Variants in RFX3 observed in about 807,000 individuals in gnomAD.
RFX3 encodes the protein regulatory factor X3.
A neutral mutation model predicts 98.6 loss-of-function variants in RFX3; 14 were observed. The observed-to-expected ratio is 0.14, with a 90% CI of 0.09 to 0.22. RFX3 has a LOEUF of 0.22. RFX3 is among the 10% of genes least tolerant of loss of function. The pLI is 1.00. For missense variants in RFX3, 639 were observed against 926.9 expected, an observed-to-expected ratio of 0.69 and a Z score of 4.03; for synonymous variants, 383 against 328.4, an observed-to-expected ratio of 1.17 and a Z score of -1.80.
chr9:3,255,522 A>T (rs748527298), intron 14 of RFX3, among the ~76,000 whole-genome samples: 1 of 152,234 alleles, frequency 6.6e-6, no homozygotes, highest in Non-Finnish European at 1.5e-5. Context: ...TTTACAGCAG[A>T]TATTAATCTT....
At chr9:3,280,841 G>A (rs905567184) in intron 7 of RFX3, among the ~76,000 whole-genome samples, 1 of 151,734 alleles carries the variant, frequency 6.6e-6, no homozygotes, top group Non-Finnish European at 1.5e-5. Flanking sequence ...ACAGGAGCCT[G>A]TTGGTCCCAA....
intron 1 of RFX3, among the ~76,000 whole-genome samples, chr9:3,449,824 C>T (rs1846406048): frequency 6.7e-6 from 1 of 149,350 alleles, no homozygotes; most frequent in African/African-American, 2.5e-5. Context: ...GCTATTATCA[C>T]ACCACTGCAC....
intron 2 of RFX3, among the ~76,000 whole-genome samples, chr9:3,380,536 C>G (rs1375910111): frequency 6.6e-6 from 1 of 152,140 alleles, no homozygotes; most frequent in Admixed American, 6.5e-5. Context: ...AAGTGATTTG[C>G]TTAACACCAT....
intron 1 of RFX3, among the ~76,000 whole-genome samples, chr9:3,413,491 C>G (rs1031430218): frequency 1.8e-4 from 27 of 152,012 alleles, no homozygotes; most frequent in Admixed American, 1.4e-3. Flanking sequence ...AATGGCCCAC[C>G]TTTAGTATTT....
In RFX3 at chr9:3,298,675, T is replaced by A. The variant is rs1276415078; in HGVS notation, c.549+2871A>T. 2.6e-5 allele frequency among the ~76,000 whole-genome samples: 4 copies of A among 151,938 alleles called. No homozygotes were observed. The East Asian group carries it at 7.7e-4, about 29-fold the overall frequency. ...CATGTTAATTCTCTTAAGAATATGT[T>A]GAAAATGGGGTAGAAAATTCAATAC... On this transcript the variant is annotated intron_variant, in intron 5 of 16. Transcript: ENST00000617270.
chr9:3,407,704 A>G (rs999532053), intron 1 of RFX3, among the ~76,000 whole-genome samples: 1 of 152,194 alleles, frequency 6.6e-6, no homozygotes. Flanking sequence ...TAGATATGCT[A>G]TAATTTTTTA....
At chr9:3,312,538 G>C (rs1043819511) in intron 4 of RFX3, among the ~76,000 whole-genome samples, 5 of 151,290 alleles carry the variant, frequency 3.3e-5, no homozygotes, top group Non-Finnish European at 2.9e-5. Flanking sequence ...GCTTAACTGA[G>C]AGATTCGGGA....
intron 1 of RFX3, among the ~76,000 whole-genome samples, chr9:3,475,562 T>A (rs561633077): frequency 6.6e-6 from 1 of 152,314 alleles, no homozygotes; most frequent in South Asian, 2.1e-4. Context: ...TATTTCTGCA[T>A]ATCGCATATA....
intron 4 of RFX3, among the ~76,000 whole-genome samples, chr9:3,324,525 T>G (rs1253123759): frequency 6.7e-6 from 1 of 148,738 alleles, no homozygotes; most frequent in Non-Finnish European, 1.5e-5. Context: ...AAACAAAAAG[T>G]CTCCAAGACA....
chr9:3,518,746 C>T (rs1266585913), intron 1 of RFX3, among the ~76,000 whole-genome samples: 1 of 152,030 alleles, frequency 6.6e-6, no homozygotes, highest in Non-Finnish European at 1.5e-5. Context: ...TGAAAGGAAG[C>T]CACAGGTGAT....
intron 1 of RFX3, among the ~76,000 whole-genome samples, chr9:3,481,892 T>C (rs187551305): frequency 9.0e-4 from 137 of 152,248 alleles, no homozygotes; most frequent in African/African-American, 3.1e-3. Context: ...AGACTGATTA[T>C]ATCCAGTGTC....
chr9:3,447,391 G>A (rs1466795981), intron 1 of RFX3, among the ~76,000 whole-genome samples: 1 of 152,040 alleles, frequency 6.6e-6, no homozygotes, highest in Non-Finnish European at 1.5e-5. Context: ...TCAGAGCCCA[G>A]CAATGCAAAA....
chr9:3,476,274 G>C (rs888883318), intron 1 of RFX3, among the ~76,000 whole-genome samples: 3 of 151,426 alleles, frequency 2.0e-5, no homozygotes, highest in African/African-American at 7.3e-5. Context: ...TATTACACTG[G>C]AACAACTCGT....
intron 1 of RFX3, among the ~76,000 whole-genome samples, chr9:3,511,401 T>C (rs760897179): frequency 5.3e-5 from 8 of 152,086 alleles, no homozygotes; most frequent in Non-Finnish European, 7.4e-5. Flanking sequence ...ACTTCTTTCA[T>C]ACCAGTCTGG....
intron 14 of RFX3, among the ~76,000 whole-genome samples, chr9:3,249,514 G>A (rs1429014829): frequency 2.0e-5 from 3 of 152,072 alleles, no homozygotes; most frequent in Non-Finnish European, 4.4e-5. Context: ...TGGATGACTA[G>A]AACGCTATTC....
chr9:3,363,286 T>C (rs888071569), intron 2 of RFX3, among the ~76,000 whole-genome samples: 5 of 152,160 alleles, frequency 3.3e-5, no homozygotes, highest in African/African-American at 1.2e-4. Flanking sequence ...AAAATATCAA[T>C]AAATGTATGC....
At chr9:3,329,105 G>A (rs182263493) in intron 4 of RFX3, among the ~76,000 whole-genome samples, 2 of 152,034 alleles carry the variant, frequency 1.3e-5, no homozygotes, top group East Asian at 1.9e-4. Flanking sequence ...ATTTCAGTAC[G>A]CTAAAATACA....
At chr9:3,425,595 GA>G (rs1843942130) in intron 1 of RFX3, among the ~76,000 whole-genome samples, 2 of 152,154 alleles carry the variant, frequency 1.3e-5, no homozygotes, top group African/African-American at 4.8e-5. Context: ...ATAACGATTA[GA>G]TATTTCAGCT....
chr9:3,383,629 C>T (rs1839419325), intron 2 of RFX3, among the ~76,000 whole-genome samples: 1 of 151,876 alleles, frequency 6.6e-6, no homozygotes, highest in Non-Finnish European at 1.5e-5. Flanking sequence ...GCAGCCAGGA[C>T]AAAGAGAGTG....
Sources: allele counts gnomAD v4.1 joint callset (sites outside exome capture counted in the v4.1 genomes callset), GRCh38; gene constraint gnomAD v4.1.1; transcripts MANE v1.5; gene names NCBI Gene and HGNC (gene_info 2026-07-23, HGNC 2026-07-21).